The following FLYWCH1 variants were observed in gnomAD, a reference collection of about 807,000 sequenced individuals.
FLYWCH1 encodes the protein FLYWCH-type zinc finger 1.
In FLYWCH1, 75 loss-of-function variants were observed where a neutral mutation model predicts 66.4. The observed-to-expected ratio is 1.13, with a 90% confidence interval of 0.94 to 1.37. The LOEUF (loss-of-function observed/expected upper bound fraction) is 1.37, where lower values mean the gene tolerates loss of function less well. Among genes scored for constraint, FLYWCH1 ranks in the 40% most tolerant of loss-of-function variants. FLYWCH1 has a pLI of 0.00. For missense variants in FLYWCH1, 1,334 were observed against 1,001.8 expected (o/e 1.33, Z -4.48); for synonymous variants, 595 against 429.9 (o/e 1.38, Z -4.75).
At chr16:2,948,625 C>T in intron 9 of FLYWCH1, 63 bp from the exon 10 acceptor site, 1 of 1,539,492 alleles carries the variant, frequency 6.5e-7, no homozygotes, top group South Asian at 1.1e-5. Context: ...CCTGAACTTT[C>T]TGTGTTATCT....
At chr16:2,931,792 A>C (rs2070769157) in intron 4 of FLYWCH1, among the ~76,000 whole-genome samples, 1 of 152,002 alleles carries the variant, frequency 6.6e-6, no homozygotes, top group Non-Finnish European at 1.5e-5. Context: ...ACATAGTGAA[A>C]CCCTGTCTCT....
intron 9 of FLYWCH1, among the ~76,000 whole-genome samples, chr16:2,945,217 G>A (rs2071427837): frequency 6.6e-6 from 1 of 152,132 alleles, no homozygotes; most frequent in Non-Finnish European, 1.5e-5. Context: ...GCCAGGTACA[G>A]TGGCTCACGC....
Position 2,938,442 on chromosome 16 carries a change from AGCAGGAGGAC to A in FLYWCH1, c.2037_2046del (p.Gln679HisfsTer121). 6.6e-7 allele frequency: 1 copy of A among 1,525,110 alleles called. No homozygotes were observed. The allele number at this position is 1,525,110 out of a possible 1,614,324, so 94.5% of individuals were successfully genotyped here. A position where few individuals can be genotyped will look rare whatever the true frequency, so the allele number is the denominator to read the frequency against. On this transcript the variant is annotated frameshift_variant, in exon 8 of 10. Coordinates refer to ENST00000253928, the MANE Select transcript of FLYWCH1 (RefSeq NM_001308068.2). LOFTEE classifies it high-confidence loss of function. ...CGGGAGCGGCTCCCCACCACGGCCCAGCAGGAGGACCCAGGTACAGGCAGGCTGTGGGGCA... is the reference window on the plus strand; with the variant it reads ...CGGGAGCGGCTCCCCACCACGGCCCACCAGGTACAGGCAGGCTGTGGGGCA...
chr16:2,932,847 A>G (rs1174199817), intron 4 of FLYWCH1, among the ~76,000 whole-genome samples: 1 of 151,656 alleles, frequency 6.6e-6, no homozygotes, highest in Non-Finnish European at 1.5e-5. Flanking sequence ...ACTGACAGCT[A>G]GGAGAGGAAT....
rs765193829 is a variant in FLYWCH1 at position 2,948,747 on chromosome 16, C to T, written c.*20C>T. The T allele has an allele frequency of 2.5e-6, 4 of 1,613,410 alleles. No individual in the cohort carries two copies. The East Asian group carries it at 6.7e-5, about 27-fold the overall frequency. Reference sequence around the variant, plus strand: ...CAGTGAGGCGATGTGGGCAGAGGAGCTCCGAGCCGCCCACCCAAGGTGGCT... The same window carrying T: ...CAGTGAGGCGATGTGGGCAGAGGAGTTCCGAGCCGCCCACCCAAGGTGGCT... On this transcript the variant is annotated 3_prime_UTR_variant, in exon 10 of 10. Transcript: ENST00000253928.
chr16:2,916,153 C>T (rs1405143845), intron 2 of FLYWCH1, among the ~76,000 whole-genome samples: 1 of 152,020 alleles, frequency 6.6e-6, no homozygotes, highest in Non-Finnish European at 1.5e-5. Context: ...TCGAGACCAG[C>T]CTGGCCAACA....
chr16:2,936,859 T>C, intron 6 of FLYWCH1: 1 of 634,702 alleles, frequency 1.6e-6, no homozygotes, highest in Non-Finnish European at 2.9e-6. Flanking sequence ...AGACACTGCC[T>C]CCCTGAAGGC....
At chr16:2,948,601 A>G in intron 9 of FLYWCH1, 87 bp from the exon 10 acceptor site, 7 of 1,377,944 alleles carry the variant, frequency 5.1e-6, no homozygotes, top group Non-Finnish European at 6.2e-6. Context: ...CCCAGGAAAA[A>G]GGATTCCAGG....
At position 2,950,642 on chromosome 16, in the gene FLYWCH1, T is replaced by C. The variant is rs1437876995; in HGVS notation, c.*1915T>C. On this transcript the variant is annotated 3_prime_UTR_variant, in exon 10 of 10. Transcript: ENST00000253928. ...GCCATGGTCACATGATGCCATGCCC[T>C]GCTCTGGGCACCCCTAAGCGGGTAT... is the stretch of plus-strand genomic sequence containing the variant. 6.6e-6 allele frequency: 1 copy of C among 152,364 alleles called. No individual in the cohort carries two copies. Among genetic ancestry groups the C allele is most frequent in the Non-Finnish European group, 1.5e-5 (1 of 68,112 alleles). The allele number at this position is 152,364 out of a possible 1,614,324, so 9.4% of individuals were successfully genotyped here. A position where few individuals can be genotyped will look rare whatever the true frequency, so the allele number is the denominator to read the frequency against.
At chr16:2,938,607 G>GTTTTTTTTTTTTTTTTTTTTTTTTTTTT (rs35169451) in intron 8 of FLYWCH1, among the ~76,000 whole-genome samples, 151 bp downstream of exon 8, 2 of 129,174 alleles carry the variant, frequency 1.5e-5, no homozygotes, top group Non-Finnish European at 3.3e-5. Context: ...ACCAGTCTTT[G>GTTTTTTTTTTTTTTTTTTTTTTTTTTTT]TTTTTTTTTT....
intron 2 of FLYWCH1, among the ~76,000 whole-genome samples, chr16:2,917,471 C>G (rs989262249): frequency 6.6e-6 from 1 of 151,906 alleles, no homozygotes; most frequent in African/African-American, 2.4e-5. Flanking sequence ...TCAGGTGATC[C>G]GCCCATCTCA....
At chr16:2,918,960 T>G (rs1433044011) in intron 2 of FLYWCH1, among the ~76,000 whole-genome samples, 1 of 152,104 alleles carries the variant, frequency 6.6e-6, no homozygotes, top group African/African-American at 2.4e-5. Flanking sequence ...TTTTTTTTTC[T>G]TTTTTGAGGC....
chr16:2,925,199 C>G (rs1281485060), intron 2 of FLYWCH1, among the ~76,000 whole-genome samples: 1 of 152,172 alleles, frequency 6.6e-6, no homozygotes, highest in East Asian at 1.9e-4. Flanking sequence ...GGAGGGAGGC[C>G]GGGAATCACG....
chr16:2,927,629 T>C (rs2070617044), intron 2 of FLYWCH1, among the ~76,000 whole-genome samples: 1 of 152,156 alleles, frequency 6.6e-6, no homozygotes, highest in Non-Finnish European at 1.5e-5. Context: ...AATGTTATAA[T>C]TGTGGCCAAA....
At position 2,948,776 on chromosome 16, in the gene FLYWCH1, C is replaced by A; in HGVS notation, c.*49C>A. The A allele has an allele frequency of 2.5e-6, 4 of 1,570,390 alleles. No homozygotes were observed. Among genetic ancestry groups the A allele is most frequent in the South Asian group, 1.1e-5 (1 of 90,102 alleles). The stretch of plus-strand genomic sequence containing the variant: ...GAGCCGCCCACCCAAGGTGGCTTCA[C>A]ATCCACACAGGCACTTCCCATCCAC... On this transcript the variant is annotated 3_prime_UTR_variant, in exon 10 of 10. Transcript: ENST00000253928.
At chr16:2,923,735 A>G (rs1370257781) in intron 2 of FLYWCH1, among the ~76,000 whole-genome samples, 3 of 152,012 alleles carry the variant, frequency 2.0e-5, no homozygotes, top group Non-Finnish European at 4.4e-5. Flanking sequence ...GCATTATTCC[A>G]TCTATTAAAA....
At chr16:2,937,091 C>G in intron 6 of FLYWCH1, 30 bp from the exon 7 acceptor site, 3 of 1,573,736 alleles carry the variant, frequency 1.9e-6, no homozygotes, top group Non-Finnish European at 2.6e-6. Flanking sequence ...AGCTGGTGTC[C>G]GCTGCTCCTC....
At position 2,930,892 on chromosome 16, in the gene FLYWCH1, C is replaced by G. The variant is rs775372711; in HGVS notation, c.796+12C>G. ...GATCCTGGGGCTGGGTGAGTACAAT[C>G]CACTCCCCTGCTGCGTCCACTCGGG... On this transcript the variant is annotated intron_variant, in intron 4 of 9. Transcript: ENST00000253928. The G allele has an allele frequency of 6.4e-7, 1 of 1,572,874 alleles. No individual in the cohort carries two copies. The highest frequency in any genetic ancestry group is 8.6e-7 in the Non-Finnish European group (1 of 1,164,666).
chr16:2,919,777 G>A lies in FLYWCH1; in HGVS notation c.-74+5488G>A, dbSNP rs184597913. ...AACTTGGAAAAATTTCCAAATTCTT[G>A]TTTGAAAACATTGCCACCCGTGTAA... On this transcript the variant is annotated intron_variant, in intron 2 of 9. Coordinates refer to ENST00000253928, the MANE Select transcript of FLYWCH1 (RefSeq NM_001308068.2). Among the ~76,000 whole-genome samples the A allele has an allele frequency of 3.9e-5, 6 of 152,180 alleles. No homozygotes were observed. In the East Asian group the frequency reaches 1.2e-3, roughly 29 times the overall value.
Sources: gnomAD v4.1 joint callset for allele counts (sites outside exome capture counted in the v4.1 genomes callset) on GRCh38, gnomAD v4.1.1 for gene constraint, MANE v1.5 for transcripts, NCBI Gene and HGNC (gene_info 2026-07-23, HGNC 2026-07-21) for gene names.